PRKCA: variants seen among roughly 807,000 people sequenced by gnomAD.
The protein encoded by PRKCA is protein kinase C alpha.
PRKCA carries 27 observed loss-of-function variants against 87.0 expected under a neutral mutation model. That is an observed-to-expected ratio of 0.31 (90% CI 0.23 to 0.43). PRKCA has a LOEUF of 0.43. Ranked by LOEUF, PRKCA falls within the 20% of genes least tolerant of loss-of-function variation. The pLI, the probability that PRKCA is intolerant of heterozygous loss-of-function variation, is 1.00. For missense variants in PRKCA, 518 were observed against 852.3 expected (o/e 0.61, Z 4.88); for synonymous variants, 329 against 311.1 (o/e 1.06, Z -0.61).
chr17:66,741,508 A>T lies in PRKCA; in HGVS notation c.1323-151A>T. ...AGCTGGAGGACGAAGTGATGGAGGG[A>T]GGACCGGGGGTTGGAAGAACACGAT... On this transcript the variant is annotated intron_variant, in intron 11 of 16. Transcript: ENST00000413366. 5.9e-6 allele frequency: 4 copies of T among 676,472 alleles called. No homozygotes were observed. The South Asian group carries it at 8.7e-5, about 15-fold the overall frequency. 41.9% of individuals were successfully genotyped at this position (676,472 alleles called of 1,614,324 possible).
intron 3 of PRKCA, among the ~76,000 whole-genome samples, chr17:66,619,074 C>G (rs1970596739): frequency 6.7e-6 from 1 of 150,310 alleles, no homozygotes; most frequent in Admixed American, 6.6e-5. Context: ...TTTAAAAAAT[C>G]TCATAGTCTT....
At chr17:66,509,572 G>GC (rs904525665) in intron 3 of PRKCA, among the ~76,000 whole-genome samples, 1 of 152,168 alleles carries the variant, frequency 6.6e-6, no homozygotes, top group Admixed American at 6.5e-5. Flanking sequence ...AGATCCACCT[G>GC]CACTAGGAAG....
intron 8 of PRKCA, among the ~76,000 whole-genome samples, chr17:66,732,336 C>T (rs997990764): frequency 6.6e-6 from 1 of 152,100 alleles, no homozygotes; most frequent in African/African-American, 2.4e-5. Flanking sequence ...AGTTTATTTC[C>T]TTTATTATGT....
Position 66,393,586 on chromosome 17 carries a change from G to A in PRKCA, c.205+87459G>A, listed in dbSNP as rs180761966. Among the ~76,000 whole-genome samples the A allele has an allele frequency of 1.8e-3, 275 of 152,210 alleles. 1 individual carries two copies. Among genetic ancestry groups the A allele is most frequent in the African/African-American group, 6.1e-3 (252 of 41,544 alleles). ...CAGAGCCTGGGTGTGTGCAGAGGGC[G>A]GATAGCACATGGGTCCCTGCAGGAG... On this transcript the variant is annotated intron_variant, in intron 2 of 16. Transcript: ENST00000413366.
chr17:66,406,173 A>G (rs1407459561), intron 2 of PRKCA, among the ~76,000 whole-genome samples: 1 of 151,374 alleles, frequency 6.6e-6, no homozygotes. Flanking sequence ...GATAACAGAA[A>G]TTTGCCTCTG....
intron 8 of PRKCA, among the ~76,000 whole-genome samples, chr17:66,718,292 G>T (rs1181850849): frequency 2.0e-5 from 3 of 152,114 alleles, no homozygotes. Context: ...GGGATGAGGA[G>T]CCTCTCAGGC....
In PRKCA at chr17:66,727,596, A is replaced by AT. The variant is rs200077819; in HGVS notation, c.919-5083dup. ...CCCTAGCTTATGCAGTTATTTCAACATTTTTTTTTCTTTTTTGCTAGTCCC... is the reference window on the plus strand; with the variant it reads ...CCCTAGCTTATGCAGTTATTTCAACATTTTTTTTTTCTTTTTTGCTAGTCCC... On this transcript the variant is annotated intron_variant, in intron 8 of 16. Transcript: ENST00000413366. Among the ~76,000 whole-genome samples, 531 of 150,866 alleles carry AT rather than the reference A, an allele frequency of 3.5e-3. 8 individuals are homozygous for AT. Among genetic ancestry groups the AT allele is most frequent in the African/African-American group, 0.012 (497 of 40,922 alleles).
intron 3 of PRKCA, among the ~76,000 whole-genome samples, chr17:66,604,910 A>T (rs1420548326): frequency 6.6e-6 from 1 of 152,050 alleles, no homozygotes; most frequent in Non-Finnish European, 1.5e-5. Flanking sequence ...GTTTCTTGGC[A>T]GAAACATGGA....
At chr17:66,632,961 T>A (rs1239591086) in intron 3 of PRKCA, among the ~76,000 whole-genome samples, 1 of 152,226 alleles carries the variant, frequency 6.6e-6, no homozygotes, top group East Asian at 1.9e-4. Flanking sequence ...ACTGTATAGA[T>A]GAGTGTTATT....
intron 3 of PRKCA, among the ~76,000 whole-genome samples, chr17:66,545,697 A>T (rs2143170902): frequency 6.6e-6 from 1 of 152,286 alleles, no homozygotes; most frequent in South Asian, 2.1e-4. Flanking sequence ...TGTCAGGCAA[A>T]ATTTTATCAC....
At chr17:66,485,815 T>A (rs1312588773) in intron 2 of PRKCA, among the ~76,000 whole-genome samples, 1 of 152,144 alleles carries the variant, frequency 6.6e-6, no homozygotes, top group African/African-American at 2.4e-5. Flanking sequence ...GAGTCCAGCC[T>A]CCTTAGCTCC....
intron 5 of PRKCA, among the ~76,000 whole-genome samples, chr17:66,661,623 C>T (rs189268908): frequency 8.5e-5 from 13 of 152,314 alleles, no homozygotes; most frequent in African/African-American, 3.1e-4. Context: ...AAGAAAAAAA[C>T]TTGATTGAGT....
chr17:66,470,614 A>G (rs543702998), intron 2 of PRKCA, among the ~76,000 whole-genome samples: 79 of 152,210 alleles, frequency 5.2e-4, no homozygotes, highest in African/African-American at 1.8e-3. Context: ...ATCTGTGCAG[A>G]TATGGTAATT....
rs543245987 is a variant in PRKCA, at chr17:66,631,133, T to C, written c.289-10222T>C. 2.6e-4 allele frequency among the ~76,000 whole-genome samples: 40 copies of C among 152,152 alleles called. No homozygotes were observed. In the East Asian group the frequency reaches 6.8e-3, roughly 26 times the overall value. Reference sequence around the variant, plus strand: ...ACTGCTAAAGTCCCTAAGTGAAAAGTGAGATAAATTTTTGTTGTGGAAAGC... The same window carrying C: ...ACTGCTAAAGTCCCTAAGTGAAAAGCGAGATAAATTTTTGTTGTGGAAAGC... On this transcript the variant is annotated intron_variant, in intron 3 of 16. Transcript: ENST00000413366.
intron 2 of PRKCA, among the ~76,000 whole-genome samples, chr17:66,333,732 T>C (rs1425371926): frequency 6.6e-6 from 1 of 152,024 alleles, no homozygotes; most frequent in Non-Finnish European, 1.5e-5. Context: ...ACTCCTTGGG[T>C]CCATCTGTTC....
chr17:66,346,082 G>A (rs904961592), intron 2 of PRKCA, among the ~76,000 whole-genome samples: 10 of 149,556 alleles, frequency 6.7e-5, no homozygotes, highest in African/African-American at 1.5e-4. Flanking sequence ...AAGCTATTGC[G>A]TTATCTTTTT....
At chr17:66,780,728 C>T (rs1031191828) in intron 14 of PRKCA, among the ~76,000 whole-genome samples, 10 of 151,856 alleles carry the variant, frequency 6.6e-5, no homozygotes, top group South Asian at 2.1e-4. Context: ...TAAAAATAAG[C>T]GCAATTTTTG....
chr17:66,750,962 A>G (rs1974414389), intron 13 of PRKCA, among the ~76,000 whole-genome samples: 1 of 152,202 alleles, frequency 6.6e-6, no homozygotes, highest in African/African-American at 2.4e-5. Context: ...CACATGTGCC[A>G]GTAAGCTGCT....
chr17:66,546,138 C>T (rs767761506), intron 3 of PRKCA, among the ~76,000 whole-genome samples: 6 of 152,284 alleles, frequency 3.9e-5, no homozygotes, highest in Non-Finnish European at 7.3e-5. Flanking sequence ...GCAGTCTTTA[C>T]ACCATTTATA....
Sources: gnomAD v4.1 joint callset for allele counts (sites outside exome capture counted in the v4.1 genomes callset) on GRCh38, gnomAD v4.1.1 for gene constraint, MANE v1.5 for transcripts, NCBI Gene and HGNC (gene_info 2026-07-23, HGNC 2026-07-21) for gene names.